PRSS23: variants seen among roughly 807,000 people sequenced by gnomAD.
The protein encoded by PRSS23 is protease, serine 23.
A neutral mutation model predicts 34.7 loss-of-function variants in PRSS23; 25 were observed. The observed-to-expected ratio is 0.72, with a 90% CI of 0.53 to 1.01. The LOEUF (loss-of-function observed/expected upper bound fraction) is 1.01. Among genes scored for constraint, PRSS23 ranks in the 50% least tolerant of loss-of-function variants. The probability of loss-of-function intolerance (pLI) is 0.00; values close to 1 mark genes in which losing one functional copy is unlikely to be tolerated. For missense variants in PRSS23, 445 were observed against 475.6 expected (o/e 0.94, Z 0.60); for synonymous variants, 176 against 186.6 (o/e 0.94, Z 0.46).
In PRSS23 at chr11:86,833,202, T is replaced by C. The variant is rs201353686; in HGVS notation, c.206+9609T>C. The C allele has an allele frequency of 3.3e-3, 4,186 of 1,279,574 alleles. 17 individuals carry two copies. The highest frequency in any genetic ancestry group is 4.1e-3 in the Non-Finnish European group (3,668 of 884,758). The allele number at this position is 1,279,574 out of a possible 1,614,324, so 79.3% of individuals were successfully genotyped here. On this transcript the variant is annotated intron_variant, in intron 2 of 2. Coordinates refer to the PRSS23 transcript ENST00000533902. ...CATAGGAGATGACTCTGCTGTGAGA[T>C]TGGATGTCCACAATCATCTTGGGGA...
At chr11:86,864,756 T>G (rs1948639495) in intron 2 of PRSS23, among the ~76,000 whole-genome samples, 1 of 152,236 alleles carries the variant, frequency 6.6e-6, no homozygotes, top group South Asian at 2.1e-4. Flanking sequence ...GCTGTCTTGT[T>G]TCTGGAGGCT....
At chr11:86,823,758 G>A (rs1948272539) in intron 2 of PRSS23, among the ~76,000 whole-genome samples, 1 of 152,128 alleles carries the variant, frequency 6.6e-6, no homozygotes, top group African/African-American at 2.4e-5. Context: ...TGTAATCCCA[G>A]CATTTTGGGA....
chr11:86,901,381 A>G (rs1473557939), intron 2 of PRSS23, among the ~76,000 whole-genome samples: 1 of 152,092 alleles, frequency 6.6e-6, no homozygotes, highest in Non-Finnish European at 1.5e-5. Context: ...CAAAACTACC[A>G]TCTTTTCTAT....
At chr11:86,828,742 C>T (rs1281030696) in intron 2 of PRSS23, among the ~76,000 whole-genome samples, 2 of 152,228 alleles carry the variant, frequency 1.3e-5, no homozygotes, top group African/African-American at 4.8e-5. Context: ...TTTATTTCTC[C>T]TTCACTTATG....
chr11:86,885,511 TA>T (rs1948796975), intron 2 of PRSS23, among the ~76,000 whole-genome samples: 1 of 152,184 alleles, frequency 6.6e-6, no homozygotes, highest in Non-Finnish European at 1.5e-5. Context: ...GGACTGTGAG[TA>T]AACGGATTAC....
At chr11:86,861,691 G>C (rs541468332) in intron 2 of PRSS23, among the ~76,000 whole-genome samples, 44 of 151,028 alleles carry the variant, frequency 2.9e-4, no homozygotes, top group Middle Eastern at 3.4e-3. Flanking sequence ...CTACCCAAGG[G>C]GGGTAGAGGT....
At chr11:86,830,461 C>G (rs1026220074) in intron 2 of PRSS23, among the ~76,000 whole-genome samples, 40 of 152,190 alleles carry the variant, frequency 2.6e-4, no homozygotes, top group Admixed American at 2.6e-3. Context: ...GGCAGTGCCT[C>G]GCCCTGCTTC....
intron 2 of PRSS23, chr11:86,948,371 G>A (rs562422038): frequency 6.6e-6 from 1 of 151,788 alleles, no homozygotes; most frequent in Non-Finnish European, 1.5e-5. Flanking sequence ...ACTACAGTCG[G>A]CACTCAATAA....
intron 1 of PRSS23, chr11:86,821,675 A>C (rs1250238083): frequency 6.5e-7 from 1 of 1,530,440 alleles, no homozygotes; most frequent in Non-Finnish European, 9.0e-7. Flanking sequence ...ATATTGGAGC[A>C]ATCTGCTCTT....
intron 2 of PRSS23, among the ~76,000 whole-genome samples, chr11:86,906,678 T>C (rs1948945193): frequency 1.3e-5 from 2 of 152,216 alleles, no homozygotes; most frequent in Admixed American, 1.3e-4. Flanking sequence ...ATAACACTGC[T>C]GGTTAGTGGC....
intron 2 of PRSS23, among the ~76,000 whole-genome samples, chr11:86,834,623 G>T (rs536670733): frequency 1.5e-5 from 2 of 132,174 alleles, no homozygotes; most frequent in Non-Finnish European, 3.1e-5. Context: ...CTATGACTCC[G>T]GCAGTGTAAG....
At chr11:86,807,562 G>T in intron 1 of PRSS23, 69 bp from the exon 2 acceptor site, 1 of 1,374,784 alleles carries the variant, frequency 7.3e-7, no homozygotes, top group Non-Finnish European at 1.0e-6. Context: ...CTGCTGCTGA[G>T]CTTTGCTGTC....
chr11:86,794,441 C>T (rs1947968726), intron 1 of PRSS23, among the ~76,000 whole-genome samples: 1 of 152,124 alleles, frequency 6.6e-6, no homozygotes, highest in South Asian at 2.1e-4. Flanking sequence ...GTACTCAAGT[C>T]TATTTTTCTT....
At chr11:86,881,447 C>T (rs1239884089) in intron 2 of PRSS23, among the ~76,000 whole-genome samples, 12 of 151,724 alleles carry the variant, frequency 7.9e-5, no homozygotes. Flanking sequence ...GAGATAACTC[C>T]CACTTAGTCT....
At chr11:86,798,233 A>G (rs73520705), upstream of PRSS23, among the ~76,000 whole-genome samples, 1,099 of 152,314 alleles carry the variant, frequency 7.2e-3, 9 homozygotes, top group African/African-American at 0.024. Context: ...TTTATAATAA[A>G]AGATAAACAC....
intron 2 of PRSS23, among the ~76,000 whole-genome samples, chr11:86,939,403 A>AAAAT (rs60997928): frequency 7.4e-5 from 6 of 80,550 alleles, no homozygotes; most frequent in South Asian, 4.5e-4. Context: ...TAAAAAAAAA[A>AAAAT]ATATATATAT....
intron 2 of PRSS23, among the ~76,000 whole-genome samples, chr11:86,943,255 A>C (rs1250259511): frequency 1.3e-5 from 2 of 152,364 alleles, no homozygotes; most frequent in Middle Eastern, 3.4e-3. Flanking sequence ...TAAAAAATAG[A>C]AGCTTATGGT....
At chr11:86,823,731 G>A (rs1051186475) in intron 2 of PRSS23, 2 of 629,406 alleles carry the variant, frequency 3.2e-6, no homozygotes, top group South Asian at 3.6e-5. Flanking sequence ...AGCAGGCCGG[G>A]CGCGGTGGCT....
chr11:86,925,952 T>G (rs907848288), intron 2 of PRSS23, among the ~76,000 whole-genome samples: 7 of 152,238 alleles, frequency 4.6e-5, no homozygotes, highest in Non-Finnish European at 1.5e-5. Context: ...GAAAATGAGT[T>G]GAGTGACTGA....
Sources: allele counts gnomAD v4.1 joint callset (sites outside exome capture counted in the v4.1 genomes callset), GRCh38; gene constraint gnomAD v4.1.1; transcripts MANE v1.5; gene names NCBI Gene and HGNC (gene_info 2026-07-23, HGNC 2026-07-21).